The following CNNM1 variants were observed in gnomAD, a reference collection of about 807,000 sequenced individuals.
CNNM1 encodes the protein cyclin and CBS domain divalent metal cation transport mediator 1.
Under a neutral mutation model 78.8 loss-of-function variants are expected in CNNM1, and 44 were observed. That is an observed-to-expected ratio of 0.56 (90% confidence interval 0.44 to 0.72). The LOEUF is 0.72. Among genes scored for constraint, CNNM1 ranks in the 30% least tolerant of loss-of-function variants. The pLI, the probability that CNNM1 is intolerant of heterozygous loss-of-function variation, is 0.00. For missense variants in CNNM1, 1,101 were observed against 1,292.2 expected (o/e 0.85, Z 2.27); for synonymous variants, 584 against 581.5 (o/e 1.00, Z -0.06).
intron 9 of CNNM1, among the ~76,000 whole-genome samples, chr10:99,388,562 C>T (rs2032377636): frequency 6.6e-6 from 1 of 152,184 alleles, no homozygotes; most frequent in Non-Finnish European, 1.5e-5. Flanking sequence ...ACCCTGGCTC[C>T]TTCGTTTAGG....
intron 6 of CNNM1, among the ~76,000 whole-genome samples, chr10:99,374,118 T>C (rs1054461021): frequency 1.3e-5 from 2 of 152,242 alleles, no homozygotes; most frequent in Non-Finnish European, 2.9e-5. Context: ...ATGGTAGTTA[T>C]ATTTTTAAGA....
chr10:99,372,362 T>C (rs2031829954), intron 6 of CNNM1, among the ~76,000 whole-genome samples: 1 of 152,176 alleles, frequency 6.6e-6, no homozygotes, highest in Non-Finnish European at 1.5e-5. Context: ...CAGAAAACCC[T>C]GCTCCCCATC....
chr10:99,374,363 G>A (rs574355199), intron 6 of CNNM1, among the ~76,000 whole-genome samples: 24 of 152,154 alleles, frequency 1.6e-4, no homozygotes, highest in Non-Finnish European at 3.2e-4. Flanking sequence ...TGTTTCACAT[G>A]CCCTTATTAA....
At chr10:99,390,045 A>G (rs538167091) in intron 9 of CNNM1, among the ~76,000 whole-genome samples, 1 of 152,252 alleles carries the variant, frequency 6.6e-6, no homozygotes, top group East Asian at 1.9e-4. Flanking sequence ...GAGAAGAGGG[A>G]ATGATTTCTG....
At chr10:99,376,082 C>T (rs2031951524) in intron 6 of CNNM1, among the ~76,000 whole-genome samples, 1 of 152,226 alleles carries the variant, frequency 6.6e-6, no homozygotes, top group Non-Finnish European at 1.5e-5. Context: ...GTGCCCCCCT[C>T]AGGCCTATGC....
chr10:99,338,113 T>C (rs1458122702), intron 1 of CNNM1, among the ~76,000 whole-genome samples: 1 of 152,202 alleles, frequency 6.6e-6, no homozygotes. Flanking sequence ...GAAGGCAAGC[T>C]GGACACTCAC....
intron 1 of CNNM1, among the ~76,000 whole-genome samples, chr10:99,355,334 G>A (rs1047027661): frequency 6.6e-6 from 1 of 151,692 alleles, no homozygotes; most frequent in African/African-American, 2.4e-5. Context: ...TAAATGACGA[G>A]TTACTGGATG....
intron 7 of CNNM1, among the ~76,000 whole-genome samples, chr10:99,385,556 G>A (rs1298467994): frequency 6.6e-6 from 1 of 152,198 alleles, no homozygotes; most frequent in African/African-American, 2.4e-5. Context: ...TCTTTGAAAT[G>A]TATGCCCATT....
chr10:99,347,084 A>G (rs527263913), intron 1 of CNNM1, among the ~76,000 whole-genome samples: 1 of 152,260 alleles, frequency 6.6e-6, no homozygotes, highest in South Asian at 2.1e-4. Flanking sequence ...ATTGGGTACT[A>G]TGCTTAGTAC....
rs574144099 is a variant in CNNM1, at chr10:99,379,694, G to T, written c.2340+2476G>T. Among the ~76,000 whole-genome samples the T allele has an allele frequency of 4.1e-5, 6 of 147,690 alleles. No homozygotes were observed. In the South Asian group the frequency reaches 1.1e-3, roughly 26 times the overall value. ...GATTCTCACTATGTTTCCCAGACTG[G>T]TCTCAAACTCTCAGCCTCCAGCGAT... is the stretch of plus-strand genomic sequence containing the variant. On this transcript the variant is annotated intron_variant, in intron 7 of 10. Transcript: ENST00000356713.
Position 99,388,141 on chromosome 10 carries a change from GTCCT to G in CNNM1, c.2525-10_2525-7del. 1 of 1,613,548 alleles carries G rather than the reference GTCCT, an allele frequency of 6.2e-7. No individual in the cohort carries two copies. Among genetic ancestry groups the G allele is most frequent in the Non-Finnish European group, 8.5e-7 (1 of 1,179,794 alleles). On this transcript the variant is annotated splice_region_variant and splice_polypyrimidine_tract_variant and intron_variant, in intron 8 of 10. Coordinates refer to ENST00000356713, the MANE Select transcript of CNNM1 (RefSeq NM_020348.3). ...AAAGCAGAGAGGTGATGCACTCACT[GTCCT>G]CCCCAGGCAGCCGCTCAGACGGGCT...
intron 9 of CNNM1, among the ~76,000 whole-genome samples, chr10:99,389,184 G>A (rs1240052676): frequency 6.6e-6 from 1 of 152,072 alleles, no homozygotes; most frequent in Non-Finnish European, 1.5e-5. Context: ...GGGAGGCCCA[G>A]GCAGGCGGAT....
At position 99,329,815 on chromosome 10, in the gene CNNM1, T is replaced by A; in HGVS notation, c.428T>A (p.Val143Glu). ...CREQSDWASD[V>E]EVLGPLRPGG... Reference sequence around the variant, plus strand: ...GAGCAGAGCGACTGGGCATCGGACGTGGAAGTCCTGGGGCCCTTGCGTCCC... The same window carrying A: ...GAGCAGAGCGACTGGGCATCGGACGAGGAAGTCCTGGGGCCCTTGCGTCCC... Residue 143 changes from valine (V) to glutamate (E), a missense_variant, in exon 1 of 11, where the codon GTG (valine) becomes GAG (glutamate). Physicochemically the swap from Val to Glu is moderately radical, Grantham distance 121 (BLOSUM62 -2). Transcript: ENST00000356713. 2 of 1,457,396 alleles carry A rather than the reference T, an allele frequency of 1.4e-6. No homozygotes were observed. The highest frequency in any genetic ancestry group is 1.8e-6 in the Non-Finnish European group (2 of 1,110,388). The allele number at this position is 1,457,396 out of a possible 1,614,324, so 90.3% of individuals were successfully genotyped here. A position where few individuals can be genotyped will look rare whatever the true frequency, so the allele number is the denominator to read the frequency against.
In CNNM1 at chr10:99,343,034, C is replaced by T. The variant is rs148564916; in HGVS notation, c.1573+12074C>T. Among the ~76,000 whole-genome samples, 440 of 151,924 alleles carry T rather than the reference C, an allele frequency of 2.9e-3. 4 individuals carry two copies. The highest frequency in any genetic ancestry group is 9.9e-3 in the African/African-American group (408 of 41,416). On this transcript the variant is annotated intron_variant, in intron 1 of 10. Coordinates refer to ENST00000356713, the MANE Select transcript of CNNM1 (RefSeq NM_020348.3). ...AGGCTGGAGTGCAGTGGCACAATCT[C>T]GGCTCACTGCAACCTCCACCTCCCG... is the stretch of plus-strand genomic sequence containing the variant.
rs1037203005 is a variant in CNNM1, at chr10:99,377,976, T to C, written c.2340+758T>C. Among the ~76,000 whole-genome samples the C allele has an allele frequency of 4.2e-4, 63 of 149,472 alleles. No homozygotes were observed. In the East Asian group the frequency reaches 0.012, roughly 27 times the overall value. On this transcript the variant is annotated intron_variant, in intron 7 of 10. Coordinates refer to ENST00000356713, the MANE Select transcript of CNNM1 (RefSeq NM_020348.3). ...CCATAGGTTCTTTTTTTTTTTTTTT[T>C]TTTTTGAGACAGAATCTCGCTCTGT... is the stretch of plus-strand genomic sequence containing the variant.
chr10:99,352,526 A>G (rs374059776), intron 1 of CNNM1, among the ~76,000 whole-genome samples: 4 of 152,178 alleles, frequency 2.6e-5, no homozygotes, highest in South Asian at 4.1e-4. Context: ...CCTAACCAAC[A>G]TTTGTTATTA....
chr10:99,376,994 T>G, intron 6 of CNNM1, 61 bp from the exon 7 acceptor site: 2 of 467,430 alleles, frequency 4.3e-6, no homozygotes, highest in Non-Finnish European at 4.2e-6. Context: ...TCTCCCTCCC[T>G]CCCCCTTCTT....
chr10:99,355,464 T>C (rs2031108694), intron 1 of CNNM1, among the ~76,000 whole-genome samples: 1 of 152,202 alleles, frequency 6.6e-6, no homozygotes, highest in African/African-American at 2.4e-5. Context: ...AAGCATGAAC[T>C]TGCTTTTTAT....
rs145260087 is a variant in CNNM1, at chr10:99,372,360, C to G, written c.2177-4695C>G. On this transcript the variant is annotated intron_variant, in intron 6 of 10. Coordinates refer to ENST00000356713, the MANE Select transcript of CNNM1 (RefSeq NM_020348.3). Reference sequence around the variant, plus strand: ...GCCACAATTTCACAGAGCAGAAAACCCTGCTCCCCATCACCCGGTTACACC... The same window carrying G: ...GCCACAATTTCACAGAGCAGAAAACGCTGCTCCCCATCACCCGGTTACACC... 5.9e-5 allele frequency among the ~76,000 whole-genome samples: 9 copies of G among 152,298 alleles called. No homozygotes were observed. The East Asian group carries it at 1.7e-3, about 29-fold the overall frequency.
Sources: gnomAD v4.1 joint callset for allele counts (sites outside exome capture counted in the v4.1 genomes callset) on GRCh38, gnomAD v4.1.1 for gene constraint, MANE v1.5 for transcripts, NCBI Gene and HGNC (gene_info 2026-07-23, HGNC 2026-07-21) for gene names.